Variants in CTSO observed in about 807,000 individuals in gnomAD.
CTSO encodes cathepsin O.
Under a neutral mutation model 42.4 loss-of-function variants are expected in CTSO, and 40 were observed. The observed-to-expected ratio is 0.94, with a 90% confidence interval of 0.73 to 1.23. The LOEUF (loss-of-function observed/expected upper bound fraction) is 1.23, where lower values mean the gene tolerates loss of function less well. CTSO is among the 50% of genes most tolerant of loss of function. CTSO has a pLI of 0.00. For missense variants in CTSO, 441 were observed against 396.0 expected, an observed-to-expected ratio of 1.11 and a Z score of -0.96; for synonymous variants, 156 against 146.2, an observed-to-expected ratio of 1.07 and a Z score of -0.48.
intron 1 of CTSO, among the ~76,000 whole-genome samples, chr4:155,945,784 AT>A (rs945537489): frequency 3.3e-5 from 5 of 152,212 alleles, no homozygotes; most frequent in African/African-American, 1.2e-4. Context: ...CTAACAATAT[AT>A]GTTAAGGACA....
chr4:155,953,525 C>T (rs2110943910), intron 1 of CTSO, among the ~76,000 whole-genome samples, 188 bp downstream of exon 1: 1 of 152,314 alleles, frequency 6.6e-6, no homozygotes, highest in South Asian at 2.1e-4. Context: ...GGGGGAGTGA[C>T]ACCATGGCAC....
At chr4:155,932,319 G>T (rs1743250723) in intron 5 of CTSO, among the ~76,000 whole-genome samples, 2 of 152,106 alleles carry the variant, frequency 1.3e-5, no homozygotes, top group Admixed American at 1.3e-4. Flanking sequence ...ACAAGCTTTG[G>T]AGTTGAACAG....
chr4:155,950,873 G>A (rs1247747693), intron 1 of CTSO, among the ~76,000 whole-genome samples: 2 of 151,646 alleles, frequency 1.3e-5, no homozygotes, highest in African/African-American at 4.9e-5. Context: ...CCAGTCCGTG[G>A]AAAAATTGTC....
In CTSO at chr4:155,953,780, G is replaced by A; in HGVS notation, c.68C>T (p.Ala23Val). 1.5e-6 allele frequency: 2 copies of A among 1,339,244 alleles called. No homozygotes were observed. The highest frequency in any genetic ancestry group is 1.9e-5 in the South Asian group (1 of 51,756). 83.0% of individuals were successfully genotyped at this position (1,339,244 alleles called of 1,614,324 possible). The change falls in exon 1 of 8, where the codon GCG (alanine) becomes GTG (valine). Residue 23 changes from alanine to valine, a missense_variant. Transcript: ENST00000433477. ...CGGGGTGAAGGGGGCGCGGGAGTCC[G>A]CATCGCCGCCGCCCCGGCACAGCAG... ...LWLLCRGGGD[A>V]DSRAPFTPTW...
chr4:155,945,294 T>C (rs1191674240), intron 1 of CTSO, among the ~76,000 whole-genome samples: 1 of 151,532 alleles, frequency 6.6e-6, no homozygotes, highest in African/African-American at 2.4e-5. Flanking sequence ...AAGAAAAGAA[T>C]GAGAAGACAT....
In CTSO at chr4:155,935,118, G is replaced by A. The variant is rs182925052; in HGVS notation, c.674+2244C>T. The stretch of plus-strand genomic sequence containing the variant: ...TCTTTCCCATGCTATTCTTGTGATA[G>A]TGAATAAGTCTCACAAGATCTGATG... On this transcript the variant is annotated intron_variant, in intron 5 of 7. Coordinates refer to ENST00000433477, the MANE Select transcript of CTSO (RefSeq NM_001334.3). Among the ~76,000 whole-genome samples, 22 of 152,276 alleles carry A rather than the reference G, an allele frequency of 1.4e-4. 1 individual carries two copies. The East Asian group carries it at 3.1e-3, about 21-fold the overall frequency.
At chr4:155,936,215 G>C (rs17033811) in intron 5 of CTSO, among the ~76,000 whole-genome samples, 6 of 151,822 alleles carry the variant, frequency 4.0e-5, no homozygotes, top group Non-Finnish European at 8.8e-5. Context: ...AATCCTACAT[G>C]GTCTGCCAGC....
chr4:155,944,334 A>C (rs10019161), intron 1 of CTSO, among the ~76,000 whole-genome samples: 32,050 of 152,160 alleles, frequency 0.21, 3,511 homozygotes, highest in Non-Finnish European at 0.24. Context: ...CAAATTAATA[A>C]AGTTTTTGAG....
intron 3 of CTSO, 78 bp from the exon 4 acceptor site, chr4:155,939,616 T>A: frequency 7.6e-7 from 1 of 1,308,518 alleles, no homozygotes; most frequent in Non-Finnish European, 1.0e-6. Flanking sequence ...TAACAAGTTA[T>A]CAAATCAAGT....
Position 155,953,767 on chromosome 4 carries a change from G to C in CTSO, c.81C>G (p.Ala27=). Residue 27 remains alanine, a synonymous_variant, in exon 1 of 8, where the codon GCC becomes GCG. Coordinates refer to ENST00000433477, the MANE Select transcript of CTSO (RefSeq NM_001334.3). Reference sequence around the variant, plus strand: ...TCCGCGGCCAGGTCGGGGTGAAGGGGGCGCGGGAGTCCGCATCGCCGCCGC... The same window carrying C: ...TCCGCGGCCAGGTCGGGGTGAAGGGCGCGCGGGAGTCCGCATCGCCGCCGC... ...CRGGGDADSR[A]PFTPTWPRSR... 7.5e-7 allele frequency: 1 copy of C among 1,335,240 alleles called. No individual in the cohort carries two copies. The highest frequency in any genetic ancestry group is 9.6e-7 in the Non-Finnish European group (1 of 1,040,232). The allele number at this position is 1,335,240 out of a possible 1,614,324, so 82.7% of individuals were successfully genotyped here.
At chr4:155,940,721 T>C (rs1743414166) in intron 3 of CTSO, among the ~76,000 whole-genome samples, 1 of 151,998 alleles carries the variant, frequency 6.6e-6, no homozygotes, top group Non-Finnish European at 1.5e-5. Context: ...TGCGCACCTG[T>C]AATCCCAGCT....
chr4:155,948,855 C>G (rs1743594113), intron 1 of CTSO, among the ~76,000 whole-genome samples: 1 of 152,130 alleles, frequency 6.6e-6, no homozygotes, highest in African/African-American at 2.4e-5. Context: ...AGTAGAAACC[C>G]AAGGAGGGTG....
At chr4:155,947,498 A>G (rs1743570298) in intron 1 of CTSO, among the ~76,000 whole-genome samples, 1 of 152,200 alleles carries the variant, frequency 6.6e-6, no homozygotes. Context: ...ATTGAAAGCA[A>G]TCTGTTGCTT....
intron 5 of CTSO, among the ~76,000 whole-genome samples, chr4:155,935,605 C>T (rs1275229938): frequency 1.3e-5 from 2 of 152,090 alleles, no homozygotes; most frequent in South Asian, 2.1e-4. Flanking sequence ...ACTACCAGAT[C>T]GTTTCTCTTC....
intron 2 of CTSO, 109 bp downstream of exon 2, chr4:155,943,043 TAATA>T (rs1261935641): frequency 7.4e-6 from 5 of 679,160 alleles, no homozygotes; most frequent in Non-Finnish European, 1.0e-5. Context: ...AGTAGACACT[TAATA>T]AATGTTAACT....
At chr4:155,939,874 T>C (rs1196586356) in intron 3 of CTSO, among the ~76,000 whole-genome samples, 3 of 152,184 alleles carry the variant, frequency 2.0e-5, no homozygotes, top group Non-Finnish European at 4.4e-5. Flanking sequence ...GTGACTTCTC[T>C]TTGTAAGTGG....
chr4:155,953,550 G>C (rs1743714681), intron 1 of CTSO, among the ~76,000 whole-genome samples, 163 bp downstream of exon 1: 1 of 152,192 alleles, frequency 6.6e-6, no homozygotes, highest in Non-Finnish European at 1.5e-5. Flanking sequence ...AGAGGGGAGA[G>C]AGAAGCTGGC....
chr4:155,927,933 A>G (rs1428579732), intron 7 of CTSO, among the ~76,000 whole-genome samples: 4 of 152,184 alleles, frequency 2.6e-5, no homozygotes, highest in Non-Finnish European at 5.9e-5. Context: ...TAAAACAAAG[A>G]AAAACTCTTG....
At chr4:155,953,195 T>A (rs1227274352) in intron 1 of CTSO, among the ~76,000 whole-genome samples, 1 of 152,068 alleles carries the variant, frequency 6.6e-6, no homozygotes, top group African/African-American at 2.4e-5. Context: ...TTAAGGAGAA[T>A]CATAAACCAT....
Sources: allele counts gnomAD v4.1 joint callset (sites outside exome capture counted in the v4.1 genomes callset), GRCh38; gene constraint gnomAD v4.1.1; transcripts MANE v1.5; gene names NCBI Gene and HGNC (gene_info 2026-07-23, HGNC 2026-07-21).